The following PLAC8L1 variants were observed in gnomAD, a reference collection of about 807,000 sequenced individuals.
The protein encoded by PLAC8L1 is PLAC8 like 1, also known as PLAC8-like protein 1.
PLAC8L1 carries 13 observed loss-of-function variants against 16.3 expected under a neutral mutation model. That is an observed-to-expected ratio of 0.80 (90% CI 0.52 to 1.27). PLAC8L1 has a LOEUF of 1.27. Among genes scored for constraint, PLAC8L1 ranks in the 50% most tolerant of loss-of-function variants. The pLI is 0.00. For synonymous variants in PLAC8L1, 78 were observed against 79.3 expected, an observed-to-expected ratio of 0.98 and a Z score of 0.09; for missense variants, 184 against 220.2, an observed-to-expected ratio of 0.84 and a Z score of 1.04.
At position 146,090,489 on chromosome 5, in the gene PLAC8L1, C is replaced by T. The variant is rs142912443; in HGVS notation, c.257-4892G>A. 5.9e-3 allele frequency among the ~76,000 whole-genome samples: 895 copies of T among 151,902 alleles called. 8 individuals are homozygous for T. The highest frequency in any genetic ancestry group is 0.02 in the African/African-American group (843 of 41,400). On this transcript the variant is annotated intron_variant, in intron 2 of 3. Coordinates refer to ENST00000311450, the MANE Select transcript of PLAC8L1 (RefSeq NM_001029869.3). ...GGTGGAGGTTGCCATGAGCCGAGATCGGGCCACTGCACTCCAGGCTGGGCA... is the reference window on the plus strand; with the variant it reads ...GGTGGAGGTTGCCATGAGCCGAGATTGGGCCACTGCACTCCAGGCTGGGCA...
At chr5:146,098,713 A>G (rs1763759498) in intron 1 of PLAC8L1, among the ~76,000 whole-genome samples, 2 of 152,212 alleles carry the variant, frequency 1.3e-5, no homozygotes, top group South Asian at 4.1e-4. Context: ...CTATTGAAGG[A>G]CATCTGATTC....
chr5:146,101,102 TAGA>T (rs1763808157), intron 1 of PLAC8L1, among the ~76,000 whole-genome samples: 1 of 146,114 alleles, frequency 6.8e-6, no homozygotes, highest in Non-Finnish European at 1.5e-5. Flanking sequence ...GAAGCTAACG[TAGA>T]AGGATTGCTT....
In PLAC8L1 at chr5:146,085,616, A is replaced by G. The variant is rs372723152; in HGVS notation, c.257-19T>C. ...CAGAAACCTGTCAATAACCACATCC[A>G]AAAAGCCAAGGTTCTCAGATTTCTT... On this transcript the variant is annotated intron_variant, in intron 2 of 3. Transcript: ENST00000311450. 47 of 1,594,044 alleles carry G rather than the reference A, an allele frequency of 2.9e-5. No homozygotes were observed. In the African/African-American group the frequency reaches 4.3e-4, roughly 15 times the overall value.
chr5:146,088,251 C>A (rs1763555914), intron 2 of PLAC8L1, among the ~76,000 whole-genome samples: 1 of 152,178 alleles, frequency 6.6e-6, no homozygotes, highest in South Asian at 2.1e-4. Flanking sequence ...CATGAAACAC[C>A]ACTTCTGGCC....
intron 2 of PLAC8L1, among the ~76,000 whole-genome samples, chr5:146,094,036 T>G (rs558805345): frequency 6.6e-6 from 1 of 152,348 alleles, no homozygotes; most frequent in East Asian, 1.9e-4. Flanking sequence ...TTATCACAAC[T>G]GCAATTATTT....
At chr5:146,095,922 T>C (rs1489950166) in intron 2 of PLAC8L1, among the ~76,000 whole-genome samples, 2 of 152,246 alleles carry the variant, frequency 1.3e-5, no homozygotes, top group Admixed American at 6.5e-5. Flanking sequence ...GGCTCATTGA[T>C]TCCGGGAGCT....
chr5:146,090,795 G>A (rs1458635076), intron 2 of PLAC8L1, among the ~76,000 whole-genome samples: 1 of 152,120 alleles, frequency 6.6e-6, no homozygotes, highest in Non-Finnish European at 1.5e-5. Flanking sequence ...GCTCACACCT[G>A]TAATCCCAGC....
intron 2 of PLAC8L1, among the ~76,000 whole-genome samples, chr5:146,093,498 G>T (rs1038688234): frequency 1.3e-5 from 2 of 152,156 alleles, no homozygotes; most frequent in Non-Finnish European, 2.9e-5. Context: ...GCAAACAGAT[G>T]GGGGACCAGA....
intron 2 of PLAC8L1, among the ~76,000 whole-genome samples, chr5:146,096,804 G>A (rs1380901884): frequency 6.6e-6 from 1 of 152,192 alleles, no homozygotes; most frequent in Non-Finnish European, 1.5e-5. Context: ...CCAAAGTCAT[G>A]AAAAGAGCAG....
At chr5:146,103,655 C>G (rs1462616540) in intron 1 of PLAC8L1, 1 of 984,990 alleles carries the variant, frequency 1.0e-6, no homozygotes, top group East Asian at 1.1e-4. Context: ...GAGGCTAACT[C>G]CTGTTAAAGT....
Position 146,098,220 on chromosome 5 carries a change from T to G in PLAC8L1, c.192A>C (p.Ala64=). 1 of 1,614,118 alleles carries G rather than the reference T, an allele frequency of 6.2e-7. No individual in the cohort carries two copies. The highest frequency in any genetic ancestry group is 8.5e-7 in the Non-Finnish European group (1 of 1,180,006). ...TCCAGCCCCCGCCAGTCTGGACAAT[T>G]GCTGTGATTGTCGTCCTGCCACTGG... is the stretch of plus-strand genomic sequence containing the variant. ...RGASGRTTIT[A]IVQTGGGWST... The change falls in exon 2 of 4, where the codon GCA becomes GCC. Residue 64 remains alanine, a synonymous_variant. Coordinates refer to ENST00000311450, the MANE Select transcript of PLAC8L1 (RefSeq NM_001029869.3).
chr5:146,103,210 A>G (rs1361541337), intron 1 of PLAC8L1, among the ~76,000 whole-genome samples: 1 of 152,104 alleles, frequency 6.6e-6, no homozygotes, highest in Admixed American at 6.5e-5. Context: ...CCCAGGCTGG[A>G]GTGCAGTAGT....
In PLAC8L1 at chr5:146,105,258, G is replaced by A. The variant is rs1763890803; in HGVS notation, c.-947C>T. Reference sequence around the variant, plus strand: ...CAGACCCATAGAGAATGGTTGCTTAGGGTTCTGAACTTCAAAGCATTTATT... The same window carrying A: ...CAGACCCATAGAGAATGGTTGCTTAAGGTTCTGAACTTCAAAGCATTTATT... On this transcript the variant is annotated 5_prime_UTR_variant, in exon 1 of 4. Coordinates refer to ENST00000311450, the MANE Select transcript of PLAC8L1 (RefSeq NM_001029869.3). 2.0e-5 allele frequency among the ~76,000 whole-genome samples: 3 copies of A among 152,078 alleles called. 1 individual carries two copies. The South Asian group carries it at 6.2e-4, about 32-fold the overall frequency.
intron 2 of PLAC8L1, among the ~76,000 whole-genome samples, chr5:146,088,392 T>G (rs1315375907): frequency 6.6e-6 from 1 of 152,184 alleles, no homozygotes; most frequent in African/African-American, 2.4e-5. Flanking sequence ...TCACATACCA[T>G]GACATCAGCA....
intron 2 of PLAC8L1, among the ~76,000 whole-genome samples, chr5:146,086,602 A>G (rs1017292794): frequency 1.3e-5 from 2 of 152,190 alleles, no homozygotes; most frequent in African/African-American, 4.8e-5. Context: ...TGGGTCACAG[A>G]CCATTTTGAG....
At chr5:146,090,095 T>C (rs1763586798) in intron 2 of PLAC8L1, among the ~76,000 whole-genome samples, 1 of 152,066 alleles carries the variant, frequency 6.6e-6, no homozygotes, top group Non-Finnish European at 1.5e-5. Flanking sequence ...CTGTGAGGAA[T>C]GCAGTGGGAT....
chr5:146,097,755 T>C (rs186885444), intron 2 of PLAC8L1, among the ~76,000 whole-genome samples: 1 of 152,340 alleles, frequency 6.6e-6, no homozygotes, highest in Admixed American at 6.5e-5. Context: ...TCTTTGCACA[T>C]GATTTATTTC....
chr5:146,093,910 T>C (rs1763665839), intron 2 of PLAC8L1, among the ~76,000 whole-genome samples: 1 of 152,244 alleles, frequency 6.6e-6, no homozygotes, highest in African/African-American at 2.4e-5. Context: ...TTTGAGCGGC[T>C]GACTCTTTCC....
rs1042093278 is a variant in PLAC8L1 at position 146,098,217 on chromosome 5, A to G, written c.195T>C (p.Ile65=). The G allele has an allele frequency of 1.2e-6, 2 of 1,614,130 alleles. No homozygotes were observed. The highest frequency in any genetic ancestry group is 3.3e-5 in the Admixed American group (2 of 60,008). ...GASGRTTITA[I]VQTGGGWSTG... ...TGCTCCAGCCCCCGCCAGTCTGGAC[A>G]ATTGCTGTGATTGTCGTCCTGCCAC... The change falls in exon 2 of 4, where the codon ATT becomes ATC. Residue 65 remains isoleucine, a synonymous_variant. Transcript: ENST00000311450.
Sources: allele counts gnomAD v4.1 joint callset (sites outside exome capture counted in the v4.1 genomes callset), GRCh38; gene constraint gnomAD v4.1.1; transcripts MANE v1.5; gene names NCBI Gene and HGNC (gene_info 2026-07-23, HGNC 2026-07-21).